Variants in PLS1 observed in about 807,000 individuals in gnomAD.
PLS1 encodes plastin 1, also known as plastin-1.
In PLS1, 32 loss-of-function variants were observed where a neutral mutation model predicts 73.7. That is an observed-to-expected ratio of 0.43 (90% CI 0.33 to 0.58). The LOEUF (loss-of-function observed/expected upper bound fraction) is 0.58. PLS1 is among the 20% of genes least tolerant of loss of function. The probability of loss-of-function intolerance (pLI) is 0.04; values close to 1 mark genes in which losing one functional copy is unlikely to be tolerated. For missense variants in PLS1, 633 were observed against 740.5 expected (o/e 0.85, Z 1.68); for synonymous variants, 217 against 261.3 (o/e 0.83, Z 1.63).
chr3:142,702,285 C>T (rs747298854), intron 12 of PLS1, among the ~76,000 whole-genome samples: 7 of 152,218 alleles, frequency 4.6e-5, no homozygotes, highest in Non-Finnish European at 1.0e-4. Context: ...GTTAGCCAGG[C>T]AGATGTTACA....
intron 1 of PLS1, chr3:142,623,384 C>T (rs2036354031): frequency 6.6e-6 from 1 of 152,140 alleles, no homozygotes; most frequent in African/African-American, 2.4e-5. Flanking sequence ...AGAGTAAGTT[C>T]CATCAAGATT....
At chr3:142,612,774 A>AT (rs1327133053) in intron 1 of PLS1, among the ~76,000 whole-genome samples, 1 of 151,966 alleles carries the variant, frequency 6.6e-6, no homozygotes, top group African/African-American at 2.4e-5. Flanking sequence ...TTTATATTTA[A>AT]TTTTTATTTT....
At chr3:142,656,931 A>G (rs1222495355) in intron 1 of PLS1, 2 of 152,222 alleles carry the variant, frequency 1.3e-5, no homozygotes, top group Non-Finnish European at 2.9e-5. Flanking sequence ...GTCTTTTTCC[A>G]TAAAAGTCAG....
rs1933198695 is a variant in PLS1, at chr3:142,712,852, C to T, written c.*845C>T. 1 of 152,528 alleles carries T rather than the reference C, an allele frequency of 6.6e-6. No individual in the cohort carries two copies. The highest frequency in any genetic ancestry group is 1.5e-5 in the Non-Finnish European group (1 of 67,956). 9.4% of individuals were successfully genotyped at this position (152,528 alleles called of 1,614,324 possible). A position where few individuals can be genotyped will look rare whatever the true frequency, so the allele number is the denominator to read the frequency against. On this transcript the variant is annotated 3_prime_UTR_variant, in exon 16 of 16. Transcript: ENST00000457734. ...GTAACACTTTTCAGTCTGTGGATAT[C>T]TGATACATTAAGATTTCTTTTTATA...
intron 1 of PLS1, among the ~76,000 whole-genome samples, chr3:142,637,315 C>G (rs925739871): frequency 4.6e-5 from 7 of 152,098 alleles, no homozygotes; most frequent in Non-Finnish European, 1.0e-4. Flanking sequence ...TTATATAAAA[C>G]TCTCAAAAAT....
intron 10 of PLS1, among the ~76,000 whole-genome samples, chr3:142,692,267 G>A (rs1399738016): frequency 1.6e-4 from 25 of 151,870 alleles, no homozygotes; most frequent in Admixed American, 6.6e-4. Flanking sequence ...ATTTGTAGAC[G>A]TCAAATTGAG....
intron 10 of PLS1, among the ~76,000 whole-genome samples, chr3:142,693,733 A>G (rs1449996750): frequency 1.3e-5 from 2 of 152,190 alleles, no homozygotes; most frequent in African/African-American, 4.8e-5. Flanking sequence ...TACAAAGGGA[A>G]TGCTCAGGGA....
Position 142,617,028 on chromosome 3 carries a change from A to G in PLS1, c.-37+20519A>G, listed in dbSNP as rs565712492. On this transcript the variant is annotated intron_variant, in intron 1 of 15. Transcript: ENST00000457734. ...TTCAAATCACAATGGACCATTGCCC[A>G]GTTAGCCACTAAAATAGCCAGTGAT... Among the ~76,000 whole-genome samples, 4 of 152,314 alleles carry G rather than the reference A, an allele frequency of 2.6e-5. No individual in the cohort carries two copies. The East Asian group carries it at 7.7e-4, about 29-fold the overall frequency.
chr3:142,664,173 T>A (rs2037428917), intron 1 of PLS1, 29 bp from the exon 2 acceptor site: 2 of 891,388 alleles, frequency 2.2e-6, no homozygotes, highest in East Asian at 4.9e-5. Flanking sequence ...AAAGGCTTCA[T>A]GCTTTTTTTA....
chr3:142,660,968 G>A (rs2037359034), intron 1 of PLS1, among the ~76,000 whole-genome samples: 2 of 152,168 alleles, frequency 1.3e-5, no homozygotes, highest in African/African-American at 2.4e-5. Flanking sequence ...CACAAACACT[G>A]TTAATTTGCA....
rs144853166 is a variant in PLS1, at chr3:142,711,992, G to T, written c.1875G>T (p.Leu625=). Residue 625 remains leucine, a synonymous_variant, in exon 16 of 16, where the codon CTG becomes CTT. Coordinates refer to ENST00000457734, the MANE Select transcript of PLS1 (RefSeq NM_001145319.2). ...TVFACLMGKG[L]NRIK is the part of the protein sequence containing the mutation. ...TTGCATGCTTAATGGGAAAAGGACT[G>T]AACAGAATAAAATAATCATTTCATA... 3.5e-4 allele frequency: 572 copies of T among 1,613,154 alleles called. 2 individuals are homozygous for T. In the African/African-American group the frequency reaches 6.6e-3, roughly 19 times the overall value.
intron 1 of PLS1, among the ~76,000 whole-genome samples, chr3:142,639,565 A>G (rs2036783481): frequency 6.6e-6 from 1 of 152,188 alleles, no homozygotes; most frequent in Non-Finnish European, 1.5e-5. Context: ...CCTCTTCTTC[A>G]TCTCACCTCC....
chr3:142,695,755 G>GACTT (rs201328660), intron 11 of PLS1, among the ~76,000 whole-genome samples: 98 of 116,034 alleles, frequency 8.4e-4, no homozygotes, highest in Middle Eastern at 4.5e-3. Context: ...ATAGTAAGGA[G>GACTT]ACTTACTTAT....
At position 142,711,921 on chromosome 3, in the gene PLS1, C is replaced by T. The variant is rs775876028; in HGVS notation, c.1804C>T (p.Pro602Ser). 3.1e-6 allele frequency: 5 copies of T among 1,613,052 alleles called. No homozygotes were observed. Among genetic ancestry groups the T allele is most frequent in the Non-Finnish European group, 3.4e-6 (4 of 1,179,236 alleles). The part of the protein sequence containing the change: ...RKIGARIYAL[P>S]DDLVEVKPKM... ...GATCGGTGCCCGGATATATGCATTA[C>T]CTGATGACCTCGTAGAAGTGAAACC... is the stretch of plus-strand genomic sequence containing the variant. Residue 602 changes from proline (P) to serine (S), a missense_variant, in exon 16 of 16, where the codon CCT becomes TCT. By Grantham distance (74) the Pro-to-Ser change is moderately conservative. Transcript: ENST00000457734.
chr3:142,639,183 A>C (rs1420140367), intron 1 of PLS1, among the ~76,000 whole-genome samples: 1 of 152,238 alleles, frequency 6.6e-6, no homozygotes, highest in African/African-American at 2.4e-5. Flanking sequence ...GTACGTTTTC[A>C]GAAACTTCGT....
chr3:142,600,910 ATATATATTTTTTTTTT>A (rs2035911157), intron 1 of PLS1, among the ~76,000 whole-genome samples: 1 of 24,434 alleles, frequency 4.1e-5, no homozygotes, highest in African/African-American at 3.1e-4. Context: ...ATATATATAT[ATATATATTTTTTTTTT>A]TTTTTTTTTT....
intron 4 of PLS1, among the ~76,000 whole-genome samples, chr3:142,673,167 A>C (rs2107851095): frequency 6.6e-6 from 1 of 152,158 alleles, no homozygotes; most frequent in East Asian, 1.9e-4. Flanking sequence ...TCAGCCTCCC[A>C]AGTGCATAAC....
chr3:142,670,908 C>T (rs1388082376), intron 3 of PLS1, 85 bp from the exon 4 acceptor site: 2 of 887,302 alleles, frequency 2.3e-6, no homozygotes, highest in Middle Eastern at 2.6e-4. Flanking sequence ...GGTGTCATTT[C>T]AAATAAAGAA....
At chr3:142,609,184 T>A (rs1378605127) in intron 1 of PLS1, among the ~76,000 whole-genome samples, 3 of 152,246 alleles carry the variant, frequency 2.0e-5, no homozygotes, top group Non-Finnish European at 4.4e-5. Context: ...TTTCTTTCTA[T>A]ACTACCAAAA....
Sources: allele counts gnomAD v4.1 joint callset (sites outside exome capture counted in the v4.1 genomes callset), GRCh38; gene constraint gnomAD v4.1.1; transcripts MANE v1.5; gene names NCBI Gene and HGNC (gene_info 2026-07-23, HGNC 2026-07-21).